Variants in FSHR observed in about 807,000 individuals in gnomAD.
The protein encoded by FSHR is follicle stimulating hormone receptor.
FSHR carries 46 observed loss-of-function variants against 52.1 expected under a neutral mutation model. That is an observed-to-expected ratio of 0.88 (90% CI 0.70 to 1.13). The LOEUF is 1.13. Among genes scored for constraint, FSHR ranks in the 50% most tolerant of loss-of-function variants. FSHR has a pLI of 0.00. For synonymous variants in FSHR, 399 were observed against 309.6 expected, an observed-to-expected ratio of 1.29 and a Z score of -3.03; for missense variants, 964 against 834.6, an observed-to-expected ratio of 1.16 and a Z score of -1.91.
At chr2:49,085,766 A>G (rs1248013633) in intron 1 of FSHR, among the ~76,000 whole-genome samples, 4 of 152,214 alleles carry the variant, frequency 2.6e-5, no homozygotes, top group Non-Finnish European at 4.4e-5. Flanking sequence ...CATATACACC[A>G]TGGAATACTA....
At chr2:48,979,958 C>G (rs940369416) in intron 8 of FSHR, among the ~76,000 whole-genome samples, 6 of 152,140 alleles carry the variant, frequency 3.9e-5, no homozygotes, top group African/African-American at 1.4e-4. Context: ...GTGGGCTGGT[C>G]TACTGCACAC....
chr2:49,105,448 G>A (rs1385057706), intron 1 of FSHR, among the ~76,000 whole-genome samples: 2 of 151,796 alleles, frequency 1.3e-5, no homozygotes, highest in Non-Finnish European at 2.9e-5. Context: ...GTTTCTTAAT[G>A]CCTTAGAAAG....
Position 48,963,021 on chromosome 2 carries a change from G to C in FSHR, c.1800C>G (p.Pro600=). The change falls in exon 10 of 10, where the codon CCC becomes CCG. Residue 600 remains proline, a synonymous_variant. Transcript: ENST00000406846. ...FFAISASLKV[P]LITVSKAKIL... Reference sequence around the variant, plus strand: ...TCTTTGCTTTGGACACAGTGATGAGGGGCACCTTGAGGGAGGCAGAAATGG... The same window carrying C: ...TCTTTGCTTTGGACACAGTGATGAGCGGCACCTTGAGGGAGGCAGAAATGG... 2 of 1,614,088 alleles carry C rather than the reference G, an allele frequency of 1.2e-6. No homozygotes were observed. The highest frequency in any genetic ancestry group is 1.7e-6 in the Non-Finnish European group (2 of 1,180,008).
At chr2:48,970,932 C>G (rs1427160670) in intron 8 of FSHR, among the ~76,000 whole-genome samples, 1 of 152,098 alleles carries the variant, frequency 6.6e-6, no homozygotes, top group African/African-American at 2.4e-5. Context: ...AGCCTACTTC[C>G]CTCCTCTCCT....
intron 1 of FSHR, among the ~76,000 whole-genome samples, chr2:49,094,940 T>TA (rs1228490391): frequency 6.6e-6 from 1 of 151,972 alleles, no homozygotes; most frequent in Admixed American, 6.6e-5. Context: ...CCCAAATTAC[T>TA]AAAATCAGGA....
At chr2:49,034,172 C>T (rs1213059119) in intron 2 of FSHR, among the ~76,000 whole-genome samples, 2 of 152,182 alleles carry the variant, frequency 1.3e-5, no homozygotes, top group Non-Finnish European at 2.9e-5. Flanking sequence ...TTTCTGCCTG[C>T]CACTCCCTTC....
chr2:49,115,886 CA>C (rs1384742188), intron 1 of FSHR, among the ~76,000 whole-genome samples: 46 of 152,026 alleles, frequency 3.0e-4, no homozygotes, highest in Admixed American at 2.0e-3. Flanking sequence ...GTGATATGTG[CA>C]TGACATAAGT....
chr2:49,103,546 T>A (rs1316476415), intron 1 of FSHR, among the ~76,000 whole-genome samples: 1 of 152,026 alleles, frequency 6.6e-6, no homozygotes, highest in Admixed American at 6.6e-5. Context: ...GGGCAGCCAA[T>A]AACTGACATC....
intron 2 of FSHR, 102 bp from the exon 3 acceptor site, chr2:49,020,262 A>C: frequency 1.0e-6 from 1 of 982,884 alleles, no homozygotes; most frequent in Non-Finnish European, 1.6e-6. Context: ...TTCACAAGAC[A>C]CACAAAACTC....
At chr2:48,998,338 G>A (rs1311511706) in intron 4 of FSHR, among the ~76,000 whole-genome samples, 2 of 151,938 alleles carry the variant, frequency 1.3e-5, no homozygotes, top group African/African-American at 4.8e-5. Flanking sequence ...AAACATGTAT[G>A]GAAATTGTTA....
At chr2:49,058,565 A>T (rs762316765) in intron 2 of FSHR, among the ~76,000 whole-genome samples, 3 of 152,042 alleles carry the variant, frequency 2.0e-5, no homozygotes, top group Admixed American at 6.6e-5. Flanking sequence ...TCCCCACCTA[A>T]AAAAAACCTT....
chr2:49,144,689 G>C (rs761362462), intron 1 of FSHR, among the ~76,000 whole-genome samples: 2 of 152,140 alleles, frequency 1.3e-5, no homozygotes, highest in African/African-American at 2.4e-5. Context: ...AAAACAAACA[G>C]CAATTCAATG....
At chr2:48,968,594 A>G in intron 9 of FSHR, 104 bp downstream of exon 9, 1 of 1,340,078 alleles carries the variant, frequency 7.5e-7, no homozygotes, top group Non-Finnish European at 1.1e-6. Context: ...TGAGACAGGG[A>G]ACTCTCTGCA....
At chr2:49,061,938 G>C (rs1304669607) in intron 2 of FSHR, among the ~76,000 whole-genome samples, 1 of 150,448 alleles carries the variant, frequency 6.6e-6, no homozygotes, top group Admixed American at 6.7e-5. Flanking sequence ...TAAAGGAAGA[G>C]ATAGCCTCTA....
intron 2 of FSHR, among the ~76,000 whole-genome samples, chr2:49,054,548 A>G (rs1259846845): frequency 6.6e-6 from 1 of 152,304 alleles, no homozygotes; most frequent in Middle Eastern, 3.4e-3. Flanking sequence ...CCAGGTAGAC[A>G]TGCTTTCAAG....
intron 8 of FSHR, among the ~76,000 whole-genome samples, chr2:48,979,565 C>T (rs1468997941): frequency 5.9e-5 from 9 of 152,174 alleles, no homozygotes; most frequent in Admixed American, 5.2e-4. Context: ...TTCTCCTCCC[C>T]AGGAGTTTGG....
At chr2:49,061,716 CTA>C (rs1036915391) in intron 2 of FSHR, among the ~76,000 whole-genome samples, 1 of 136,794 alleles carries the variant, frequency 7.3e-6, no homozygotes, top group African/African-American at 2.7e-5. Flanking sequence ...TTATATATAA[CTA>C]TATATAAAAA....
intron 4 of FSHR, among the ~76,000 whole-genome samples, chr2:49,000,794 G>C (rs1666849009): frequency 6.6e-6 from 1 of 152,092 alleles, no homozygotes; most frequent in South Asian, 2.1e-4. Context: ...GCTCCCTCTA[G>C]CTTGGGGAAC....
intron 4 of FSHR, among the ~76,000 whole-genome samples, chr2:49,008,439 G>C (rs1667147941): frequency 6.6e-6 from 1 of 151,504 alleles, no homozygotes. Context: ...TTGGACATTT[G>C]GGTTTGTTCC....
Sources: gnomAD v4.1 joint callset for allele counts (sites outside exome capture counted in the v4.1 genomes callset) on GRCh38, gnomAD v4.1.1 for gene constraint, MANE v1.5 for transcripts, NCBI Gene and HGNC (gene_info 2026-07-23, HGNC 2026-07-21) for gene names.